CCDC85A: variants seen among roughly 807,000 people sequenced by gnomAD.
CCDC85A encodes the protein coiled-coil domain containing 85A.
Under a neutral mutation model 50.2 loss-of-function variants are expected in CCDC85A, and 38 were observed. The ratio of observed to expected loss-of-function variants is 0.76; its 90% CI spans 0.58 to 0.99. The LOEUF (loss-of-function observed/expected upper bound fraction) is 0.99, where lower values mean the gene tolerates loss of function less well. Among genes scored for constraint, CCDC85A ranks in the 50% least tolerant of loss-of-function variants. The probability of loss-of-function intolerance (pLI) is 0.00; values close to 1 mark genes in which losing one functional copy is unlikely to be tolerated. For missense variants in CCDC85A, 820 were observed against 742.0 expected, an observed-to-expected ratio of 1.11 and a Z score of -1.22; for synonymous variants, 366 against 301.4, an observed-to-expected ratio of 1.21 and a Z score of -2.22.
chr2:56,308,037 T>C (rs1345001830), intron 2 of CCDC85A, among the ~76,000 whole-genome samples: 1 of 152,204 alleles, frequency 6.6e-6, no homozygotes, highest in African/African-American at 2.4e-5. Flanking sequence ...CCCCAATAGC[T>C]TCCTATTTCT....
At chr2:56,280,894 T>G (rs1282843671) in intron 2 of CCDC85A, among the ~76,000 whole-genome samples, 1 of 152,208 alleles carries the variant, frequency 6.6e-6, no homozygotes, top group East Asian at 1.9e-4. Flanking sequence ...CATTAGAAAT[T>G]AATATTTATA....
chr2:56,221,992 C>T (rs1668347581), intron 2 of CCDC85A, among the ~76,000 whole-genome samples: 2 of 152,018 alleles, frequency 1.3e-5, no homozygotes, highest in South Asian at 4.1e-4. Context: ...TTGGGCCAAA[C>T]TGCCTCCTTT....
At chr2:56,288,891 G>T (rs114266176) in intron 2 of CCDC85A, among the ~76,000 whole-genome samples, 4,237 of 152,238 alleles carry the variant, frequency 0.028, 76 homozygotes, top group Non-Finnish European at 0.046. Context: ...AATCACATCT[G>T]CTCTCTGCAG....
rs572582941 is a variant in CCDC85A, at chr2:56,356,885, TG to T, written c.1317+13932del. On this transcript the variant is annotated intron_variant, in intron 3 of 5. Coordinates refer to ENST00000407595, the MANE Select transcript of CCDC85A (RefSeq NM_001080433.2). ...GAGATCAAGACCATCCTGGCTAACA[TG>T]GTGAAACCCCATCTCTACTAAAAAA... Among the ~76,000 whole-genome samples the T allele has an allele frequency of 5.9e-3, 889 of 151,860 alleles. 4 individuals carry two copies. The highest frequency in any genetic ancestry group is 1.0e-2 in the Non-Finnish European group (677 of 67,936).
chr2:56,292,767 G>A (rs1671774465), intron 2 of CCDC85A, among the ~76,000 whole-genome samples: 1 of 152,142 alleles, frequency 6.6e-6, no homozygotes, highest in African/African-American at 2.4e-5. Context: ...CTGTCATAGG[G>A]AAGGATTTTT....
intron 5 of CCDC85A, among the ~76,000 whole-genome samples, chr2:56,376,495 TTTAC>T (rs1676344060): frequency 6.6e-6 from 1 of 152,208 alleles, no homozygotes; most frequent in Admixed American, 6.5e-5. Flanking sequence ...ATAAAGCTAC[TTTAC>T]TTTTGTGTCT....
rs372465371 is a variant in CCDC85A, at chr2:56,303,346, C to T, written c.1241-39533C>T. On this transcript the variant is annotated intron_variant, in intron 2 of 5. Transcript: ENST00000407595. ...ATAGTCAAAAAGACATAATACTGGA[C>T]GATGAGAACCCAGGGGGCATCAGTT... Among the ~76,000 whole-genome samples, 162 of 152,196 alleles carry T rather than the reference C, an allele frequency of 1.1e-3. 2 individuals carry two copies. In the South Asian group the frequency reaches 0.031, roughly 29 times the overall value.
chr2:56,341,136 G>A (rs933679999), intron 2 of CCDC85A, among the ~76,000 whole-genome samples: 2 of 152,128 alleles, frequency 1.3e-5, no homozygotes, highest in Admixed American at 1.3e-4. Context: ...TACTGAAGAT[G>A]TATGCACGCT....
At chr2:56,315,284 G>A (rs978780270) in intron 2 of CCDC85A, among the ~76,000 whole-genome samples, 1 of 152,106 alleles carries the variant, frequency 6.6e-6, no homozygotes, top group Non-Finnish European at 1.5e-5. Context: ...TTGCCAGCCT[G>A]CATTTTGGAT....
chr2:56,221,938 A>G (rs1668345163), intron 2 of CCDC85A, among the ~76,000 whole-genome samples: 1 of 152,086 alleles, frequency 6.6e-6, no homozygotes, highest in Admixed American at 6.6e-5. Context: ...TGGTATAAGG[A>G]TAGAAGGGTG....
At chr2:56,331,926 G>C (rs1673820196) in intron 2 of CCDC85A, among the ~76,000 whole-genome samples, 1 of 152,164 alleles carries the variant, frequency 6.6e-6, no homozygotes, top group Admixed American at 6.5e-5. Context: ...GATATGGACT[G>C]CTGCCCCCTG....
At chr2:56,315,964 C>T (rs892506129) in intron 2 of CCDC85A, among the ~76,000 whole-genome samples, 2 of 152,056 alleles carry the variant, frequency 1.3e-5, no homozygotes, top group Non-Finnish European at 2.9e-5. Flanking sequence ...CCCAACTTCC[C>T]TCCTTAGTTT....
intron 2 of CCDC85A, among the ~76,000 whole-genome samples, chr2:56,205,997 G>A (rs576443200): frequency 6.6e-6 from 1 of 152,212 alleles, no homozygotes; most frequent in Admixed American, 6.5e-5. Flanking sequence ...AATTTAGATA[G>A]GCTGGCAGGA....
chr2:56,276,532 G>GT (rs1391832476), intron 2 of CCDC85A, among the ~76,000 whole-genome samples: 1 of 152,072 alleles, frequency 6.6e-6, no homozygotes, highest in Non-Finnish European at 1.5e-5. Flanking sequence ...AGATCTGATG[G>GT]TTTCATGAGG....
intron 2 of CCDC85A, among the ~76,000 whole-genome samples, chr2:56,202,358 C>T (rs1451588854): frequency 2.0e-5 from 3 of 152,166 alleles, no homozygotes; most frequent in Non-Finnish European, 2.9e-5. Flanking sequence ...CCTGGGAGTT[C>T]AACAACCTTA....
chr2:56,217,832 AT>A (rs1423162090), intron 2 of CCDC85A, among the ~76,000 whole-genome samples: 2 of 151,870 alleles, frequency 1.3e-5, no homozygotes, highest in Non-Finnish European at 2.9e-5. Context: ...AAACATTCAA[AT>A]ATACATCTCT....
chr2:56,267,731 G>T (rs1298452622), intron 2 of CCDC85A, among the ~76,000 whole-genome samples: 2 of 152,318 alleles, frequency 1.3e-5, no homozygotes, highest in Non-Finnish European at 2.9e-5. Context: ...ACACTGGAGA[G>T]TGGAATTCAG....
intron 2 of CCDC85A, among the ~76,000 whole-genome samples, chr2:56,326,574 C>T (rs1437306490): frequency 6.6e-6 from 1 of 152,080 alleles, no homozygotes; most frequent in Admixed American, 6.6e-5. Flanking sequence ...AATTAAAAGG[C>T]ATAAAGAACT....
chr2:56,269,988 A>G (rs1316371672), intron 2 of CCDC85A, among the ~76,000 whole-genome samples: 1 of 152,226 alleles, frequency 6.6e-6, no homozygotes, highest in African/African-American at 2.4e-5. Flanking sequence ...TTCTCACAGT[A>G]GTGGCATTGC....
Sources: gnomAD v4.1 joint callset for allele counts (sites outside exome capture counted in the v4.1 genomes callset) on GRCh38, gnomAD v4.1.1 for gene constraint, MANE v1.5 for transcripts, NCBI Gene and HGNC (gene_info 2026-07-23, HGNC 2026-07-21) for gene names.